RASA3: variants seen among roughly 807,000 people sequenced by gnomAD.
RASA3 encodes RAS p21 protein activator 3, also known as ras GTPase-activating protein 3.
RASA3 carries 73 observed loss-of-function variants against 110.0 expected under a neutral mutation model. The ratio of observed to expected loss-of-function variants is 0.66; its 90% CI spans 0.55 to 0.81. The LOEUF (loss-of-function observed/expected upper bound fraction) is 0.81, where lower values mean the gene tolerates loss of function less well. Among genes scored for constraint, RASA3 ranks in the 30% least tolerant of loss-of-function variants. The pLI is 0.00. For missense variants in RASA3, 976 were observed against 1,113.2 expected (o/e 0.88, Z 1.75); for synonymous variants, 500 against 451.4 (o/e 1.11, Z -1.37).
At position 114,060,902 on chromosome 13, in the gene RASA3, G is replaced by A. The variant is rs1323533526; in HGVS notation, c.174-8747C>T. On this transcript the variant is annotated intron_variant, in intron 2 of 23. Transcript: ENST00000334062. ...CTGCCACCTCCACAGCCGGGAGACGGGGCCTCCAAAGCCGGCAGACGGAGC... is the reference window on the plus strand; with the variant it reads ...CTGCCACCTCCACAGCCGGGAGACGAGGCCTCCAAAGCCGGCAGACGGAGC... 3.7e-5 allele frequency among the ~76,000 whole-genome samples: 5 copies of A among 134,546 alleles called. No individual in the cohort carries two copies. In the East Asian group the frequency reaches 7.3e-4, roughly 20 times the overall value. The allele number at this position is 134,546 out of a possible 152,430, so 88.3% of individuals were successfully genotyped here. A position where few individuals can be genotyped will look rare whatever the true frequency, so the allele number is the denominator to read the frequency against.
At chr13:113,981,507 G>A (rs1455375297) in intron 23 of RASA3, among the ~76,000 whole-genome samples, 168 bp downstream of exon 23, 3 of 152,156 alleles carry the variant, frequency 2.0e-5, no homozygotes, top group Non-Finnish European at 2.9e-5. Flanking sequence ...GCCGGGCCAC[G>A]TCCACTGACT....
Position 114,102,843 on chromosome 13 carries a change from C to T in RASA3, c.56-29006G>A, listed in dbSNP as rs571096710. Among the ~76,000 whole-genome samples, 11 of 152,312 alleles carry T rather than the reference C, an allele frequency of 7.2e-5. No homozygotes were observed. The East Asian group carries it at 1.7e-3, about 24-fold the overall frequency. Reference sequence around the variant, plus strand: ...CTGGAGTCCTGTGGGCTGGGGACGACGGGAAGACCAAGTCGTCTGTATAAT... The same window carrying T: ...CTGGAGTCCTGTGGGCTGGGGACGATGGGAAGACCAAGTCGTCTGTATAAT... On this transcript the variant is annotated intron_variant, in intron 1 of 23. Transcript: ENST00000334062.
At chr13:114,064,340 C>G (rs1467162007) in intron 2 of RASA3, among the ~76,000 whole-genome samples, 3 of 152,226 alleles carry the variant, frequency 2.0e-5, no homozygotes, top group Non-Finnish European at 4.4e-5. Flanking sequence ...GTGGCCACAG[C>G]ACCATCACTG....
intron 4 of RASA3, among the ~76,000 whole-genome samples, chr13:114,030,131 G>C (rs2054119363): frequency 6.6e-6 from 1 of 152,232 alleles, no homozygotes; most frequent in South Asian, 2.1e-4. Context: ...TCCTGGCTCT[G>C]CTGAGAGCAG....
chr13:113,996,817 G>A (rs2053268132), intron 20 of RASA3, 78 bp from the exon 21 acceptor site: 2 of 1,309,996 alleles, frequency 1.5e-6, no homozygotes, highest in Non-Finnish European at 1.1e-6. Flanking sequence ...CCAGGCACCT[G>A]GCCGTCCTCG....
chr13:114,075,050 G>A (rs1233043795), intron 1 of RASA3, among the ~76,000 whole-genome samples: 1 of 152,190 alleles, frequency 6.6e-6, no homozygotes, highest in Admixed American at 6.5e-5. Flanking sequence ...AAAGACGCCT[G>A]GCAGTGGCGT....
At chr13:114,110,462 T>C (rs1049061414) in intron 1 of RASA3, among the ~76,000 whole-genome samples, 4 of 152,262 alleles carry the variant, frequency 2.6e-5, no homozygotes, top group Non-Finnish European at 4.4e-5. Flanking sequence ...GACGGCACCG[T>C]GCCTGCGGCT....
intron 4 of RASA3, 132 bp downstream of exon 4, chr13:114,040,868 A>T (rs72659549): frequency 1.2e-5 from 10 of 838,858 alleles, no homozygotes; most frequent in Non-Finnish European, 1.9e-5. Flanking sequence ...CGAACACGCA[A>T]TCTGCTCATC....
In RASA3 at chr13:114,015,165, C is replaced by T. The variant is rs373456921; in HGVS notation, c.1405+44G>A. 5 of 1,610,410 alleles carry T rather than the reference C, an allele frequency of 3.1e-6. No individual in the cohort carries two copies. In the African/African-American group the frequency reaches 5.3e-5, roughly 17 times the overall value. On this transcript the variant is annotated intron_variant, in intron 14 of 23. Transcript: ENST00000334062. ...TGGGTGGGAGTCACCCTGCACAGCG[C>T]TATGGCAGTTTCTCAGCAACATGAG...
chr13:114,100,906 A>G (rs2080051847), intron 1 of RASA3, among the ~76,000 whole-genome samples: 1 of 152,246 alleles, frequency 6.6e-6, no homozygotes, highest in South Asian at 2.1e-4. Flanking sequence ...AGAATGCCAC[A>G]CAATTTTAAA....
chr13:114,021,231 CAG>C (rs113186590), intron 9 of RASA3, among the ~76,000 whole-genome samples, 171 bp downstream of exon 9: 1 of 152,348 alleles, frequency 6.6e-6, no homozygotes, highest in African/African-American at 2.4e-5. Flanking sequence ...TGCTGTGGGG[CAG>C]AAACTCATCA....
In RASA3 at chr13:114,056,229, G is replaced by A. The variant is rs550576467; in HGVS notation, c.174-4074C>T. On this transcript the variant is annotated intron_variant, in intron 2 of 23. Transcript: ENST00000334062. This position sits in a 1 kb window ranked among gnomAD's most constrained non-coding sequence, Gnocchi z 5.7. ...TGAATGTCCAGTGCGTGTCCAATGC[G>A]TGTCTGGTGAGTGGTGAGTGTCTGG... 1.4e-3 allele frequency among the ~76,000 whole-genome samples: 212 copies of A among 152,312 alleles called. No homozygotes were observed. Among genetic ancestry groups the A allele is most frequent in the African/African-American group, 4.8e-3 (201 of 41,556 alleles).
Position 114,052,845 on chromosome 13 carries a change from G to T in RASA3, c.174-690C>A, listed in dbSNP as rs867131160. ...GAGAAATCCCCACTGCTGACTGTGCGTAGAGTCCTCGCTCCTGGGGGAGAG... is the reference window on the plus strand; with the variant it reads ...GAGAAATCCCCACTGCTGACTGTGCTTAGAGTCCTCGCTCCTGGGGGAGAG... On this transcript the variant is annotated intron_variant, in intron 2 of 23. Coordinates refer to ENST00000334062, the MANE Select transcript of RASA3 (RefSeq NM_007368.4). Among the ~76,000 whole-genome samples, 767 of 79,038 alleles carry T rather than the reference G, an allele frequency of 9.7e-3. 2 individuals carry two copies. Among genetic ancestry groups the T allele is most frequent in the African/African-American group, 0.015 (240 of 16,292 alleles). The allele number at this position is 79,038 out of a possible 152,430, so 51.9% of individuals were successfully genotyped here. A position where few individuals can be genotyped will look rare whatever the true frequency, so the allele number is the denominator to read the frequency against.
chr13:114,083,229 T>C (rs9525245), intron 1 of RASA3, among the ~76,000 whole-genome samples: 12,537 of 152,318 alleles, frequency 0.082, 1,082 homozygotes, highest in African/African-American at 0.21. Flanking sequence ...TTTTGTGCTA[T>C]TGCAGTGTAA....
At chr13:114,077,802 C>T (rs962572058) in intron 1 of RASA3, 9 of 981,806 alleles carry the variant, frequency 9.2e-6, no homozygotes, top group South Asian at 4.7e-5. Context: ...CCCGTCTTTA[C>T]CTCCTTCTCC....
chr13:113,996,527 C>G lies in RASA3; in HGVS notation c.2141+4G>C. 6.2e-7 allele frequency: 1 copy of G among 1,611,236 alleles called. No individual in the cohort carries two copies. On this transcript the variant is annotated splice_donor_region_variant and intron_variant, in intron 21 of 23. Coordinates refer to ENST00000334062, the MANE Select transcript of RASA3 (RefSeq NM_007368.4). ...ACGAGCTGGGCACCGAGGCACAGAC[C>G]TACCCAGTGCAGGGCGAGCAGCCCG...
At chr13:114,116,462 G>A (rs1281797840) in intron 1 of RASA3, among the ~76,000 whole-genome samples, 1 of 151,340 alleles carries the variant, frequency 6.6e-6, no homozygotes, top group African/African-American at 2.4e-5. Flanking sequence ...GGAAACTGGT[G>A]ACTGAGCGGC....
At chr13:114,008,655 C>T (rs878887819) in intron 17 of RASA3, among the ~76,000 whole-genome samples, 1 of 1,400 alleles carries the variant, frequency 7.1e-4, no homozygotes, top group African/African-American at 6.1e-3. Context: ...CAGAGCCCTG[C>T]GGTCTGGACG....
At chr13:114,042,248 T>G (rs2054426179) in intron 3 of RASA3, among the ~76,000 whole-genome samples, 2 of 148,366 alleles carry the variant, frequency 1.3e-5, no homozygotes, top group Non-Finnish European at 3.1e-5. Context: ...CTGCGTCCCT[T>G]CATGGCACCA....
Sources: gnomAD v4.1 joint callset for allele counts (sites outside exome capture counted in the v4.1 genomes callset) on GRCh38, gnomAD v4.1.1 for gene constraint, Gnocchi (gnomAD v3.1) non-coding constraint, MANE v1.5 for transcripts, NCBI Gene and HGNC (gene_info 2026-07-23, HGNC 2026-07-21) for gene names.